Variants in SLC2A9 observed in about 807,000 individuals in gnomAD.
SLC2A9 encodes the protein solute carrier family 2, facilitated glucose transporter member 9.
A neutral mutation model predicts 50.6 loss-of-function variants in SLC2A9; 39 were observed. The observed-to-expected ratio is 0.77, with a 90% CI of 0.60 to 1.01. SLC2A9 has a LOEUF of 1.01. Ranked by LOEUF, SLC2A9 falls within the 50% of genes least tolerant of loss-of-function variation. The pLI is 0.00. For missense variants in SLC2A9, 686 were observed against 677.6 expected, an observed-to-expected ratio of 1.01 and a Z score of -0.14; for synonymous variants, 324 against 276.9, an observed-to-expected ratio of 1.17 and a Z score of -1.69.
At chr4:9,914,981 T>TACC (rs1204560774) in intron 7 of SLC2A9, among the ~76,000 whole-genome samples, 1 of 152,244 alleles carries the variant, frequency 6.6e-6, no homozygotes, top group Non-Finnish European at 1.5e-5. Flanking sequence ...CTTCTCATCT[T>TACC]ACGGATAAAA....
chr4:9,874,365 C>T (rs1187059010), intron 10 of SLC2A9, among the ~76,000 whole-genome samples: 3 of 152,226 alleles, frequency 2.0e-5, no homozygotes, highest in Admixed American at 6.5e-5. Flanking sequence ...TCTCCAGATG[C>T]CCTCTCTGAT....
At chr4:10,018,589 T>C (rs113140671) in intron 2 of SLC2A9, among the ~76,000 whole-genome samples, 3 of 151,030 alleles carry the variant, frequency 2.0e-5, no homozygotes, top group South Asian at 2.1e-4. Flanking sequence ...GATAGATAGA[T>C]AACAACAACA....
chr4:9,863,863 T>G (rs750529871), intron 10 of SLC2A9, among the ~76,000 whole-genome samples: 3 of 152,098 alleles, frequency 2.0e-5, no homozygotes, highest in Non-Finnish European at 4.4e-5. Flanking sequence ...AGAAGTCGAG[T>G]TGATGTATTG....
chr4:9,834,972 T>C lies in SLC2A9; in HGVS notation c.1328A>G (p.Gln443Arg), dbSNP rs779841584. The C allele has an allele frequency of 6.2e-7, 1 of 1,613,902 alleles. No individual in the cohort carries two copies. The highest frequency in any genetic ancestry group is 8.5e-7 in the Non-Finnish European group (1 of 1,179,990). ...IPFILTGEFFQQSQRPAAFII... is the reference protein window; with the variant it reads ...IPFILTGEFFRQSQRPAAFII... ...GAAGGCAGCCGGCCGCTGAGATTGC[T>C]GGAAGAACTCACCAGTCAAGATGAA... Residue 443 changes from glutamine to arginine, a missense_variant, in exon 11 of 12, where the codon CAG (glutamine) becomes CGG (arginine). Transcript: ENST00000264784.
intron 5 of SLC2A9, among the ~76,000 whole-genome samples, chr4:9,948,350 C>T (rs192884840): frequency 1.1e-4 from 17 of 152,284 alleles, no homozygotes; most frequent in Non-Finnish European, 2.2e-4. Flanking sequence ...TCTGGGGGTG[C>T]GGCTTAGGTG....
At chr4:9,989,361 T>C (rs926919885) in intron 3 of SLC2A9, among the ~76,000 whole-genome samples, 1 of 152,178 alleles carries the variant, frequency 6.6e-6, no homozygotes, top group Non-Finnish European at 1.5e-5. Flanking sequence ...GTCTACAGAT[T>C]CCTGGTCCAT....
intron 8 of SLC2A9, among the ~76,000 whole-genome samples, chr4:9,898,227 G>A (rs1179663697): frequency 6.6e-6 from 1 of 152,174 alleles, no homozygotes; most frequent in African/African-American, 2.4e-5. Flanking sequence ...GGCTTGTAAT[G>A]TTGCCTGCTA....
At chr4:10,012,428 G>A (rs1328439436) in intron 2 of SLC2A9, among the ~76,000 whole-genome samples, 2 of 152,196 alleles carry the variant, frequency 1.3e-5, no homozygotes, top group Non-Finnish European at 2.9e-5. Flanking sequence ...TTTTATAAAT[G>A]CTTACAATGT....
chr4:10,021,598 G>T, upstream of SLC2A9: 1 of 959,100 alleles, frequency 1.0e-6, no homozygotes, highest in Non-Finnish European at 1.6e-6. Context: ...TTTTTTCTCT[G>T]CTCCTAAGTT....
chr4:9,842,097 A>G (rs1386418002), intron 10 of SLC2A9, among the ~76,000 whole-genome samples: 6 of 151,932 alleles, frequency 3.9e-5, no homozygotes, highest in Non-Finnish European at 5.9e-5. Flanking sequence ...TTTTTTTTCA[A>G]TCTGTGTAAA....
At chr4:9,810,870 C>T (rs938856828) in intron 3 of SLC2A9, among the ~76,000 whole-genome samples, 14 of 152,202 alleles carry the variant, frequency 9.2e-5, no homozygotes, top group Admixed American at 3.3e-4. Flanking sequence ...ACACCCTGAA[C>T]TTTATCTTTA....
rs550482556 is a variant in SLC2A9 at position 9,863,658 on chromosome 4, T to C, written c.1291+23909A>G. Among the ~76,000 whole-genome samples the C allele has an allele frequency of 2.0e-5, 3 of 152,170 alleles. No homozygotes were observed. The East Asian group carries it at 5.8e-4, about 29-fold the overall frequency. ...TTTGTTTCAATAAAGAAGTTGGGCA[T>C]GCAAAGGGAAGCACCTAAGGGGTGA... On this transcript the variant is annotated intron_variant, in intron 10 of 11. Coordinates refer to ENST00000264784, the MANE Select transcript of SLC2A9 (RefSeq NM_020041.3).
upstream of SLC2A9, chr4:10,026,122 A>C: frequency 1.4e-6 from 1 of 693,814 alleles, no homozygotes. Flanking sequence ...TCTGGCTGGG[A>C]TGCCAGGATA....
chr4:9,862,350 T>A (rs1731788231), intron 10 of SLC2A9, among the ~76,000 whole-genome samples: 1 of 152,072 alleles, frequency 6.6e-6, no homozygotes, highest in Non-Finnish European at 1.5e-5. Context: ...TTCCTTTGTC[T>A]TGTTGCTTCT....
At chr4:9,846,030 T>C (rs569116459) in intron 10 of SLC2A9, among the ~76,000 whole-genome samples, 4 of 152,316 alleles carry the variant, frequency 2.6e-5, no homozygotes, top group Non-Finnish European at 5.9e-5. Context: ...GTAAGAACTA[T>C]CTTGGGAGGC....
intron 10 of SLC2A9, among the ~76,000 whole-genome samples, chr4:9,866,987 T>A (rs1246702561): frequency 6.6e-6 from 1 of 152,234 alleles, no homozygotes; most frequent in Non-Finnish European, 1.5e-5. Context: ...ATCTCCTGAA[T>A]GCTGGTCACA....
rs151109802 is a variant in SLC2A9, at chr4:9,810,130, T to C, written n.421-10889A>G. Among the ~76,000 whole-genome samples, 434 of 152,290 alleles carry C rather than the reference T, an allele frequency of 2.8e-3. 4 individuals are homozygous for C. The highest frequency in any genetic ancestry group is 9.4e-3 in the African/African-American group (391 of 41,556). ...GGTCTATTTATTTGATTATTTCCCA[T>C]GTTTCTCCACTTGAATGTCAGCCTC... On this transcript the variant is annotated intron_variant and non_coding_transcript_variant, in intron 3 of 3. Coordinates refer to the SLC2A9 transcript ENST00000503280.
At chr4:9,875,767 T>C (rs953762782) in intron 10 of SLC2A9, among the ~76,000 whole-genome samples, 1 of 152,198 alleles carries the variant, frequency 6.6e-6, no homozygotes, top group Non-Finnish European at 1.5e-5. Context: ...CTTCCTCTTC[T>C]TTACTTGGAA....
intron 10 of SLC2A9, among the ~76,000 whole-genome samples, chr4:9,852,649 A>C (rs925037426): frequency 6.6e-6 from 1 of 152,226 alleles, no homozygotes; most frequent in Non-Finnish European, 1.5e-5. Flanking sequence ...TTTTCAGATA[A>C]GCAAGTGCTA....
Sources: gnomAD v4.1 joint callset for allele counts (sites outside exome capture counted in the v4.1 genomes callset) on GRCh38, gnomAD v4.1.1 for gene constraint, MANE v1.5 for transcripts, NCBI Gene and HGNC (gene_info 2026-07-23, HGNC 2026-07-21) for gene names.